Variants in CDV3 observed in about 807,000 individuals in gnomAD.
The protein encoded by CDV3 is CDV3 homolog.
CDV3 carries 14 observed loss-of-function variants against 24.5 expected under a neutral mutation model. The ratio of observed to expected loss-of-function variants is 0.57; its 90% CI spans 0.38 to 0.89. CDV3 has a LOEUF of 0.89. CDV3 is among the 40% of genes least tolerant of loss of function. The probability of loss-of-function intolerance (pLI) is 0.00; values close to 1 mark genes in which losing one functional copy is unlikely to be tolerated. For missense variants in CDV3, 304 were observed against 310.2 expected, an observed-to-expected ratio of 0.98 and a Z score of 0.15; for synonymous variants, 114 against 114.1, an observed-to-expected ratio of 1.00 and a Z score of 0.00.
chr3:133,580,288 A>G (rs560547264), intron 2 of CDV3, among the ~76,000 whole-genome samples: 1 of 152,366 alleles, frequency 6.6e-6, no homozygotes, highest in South Asian at 2.1e-4. Context: ...TGTCCCTGCA[A>G]AGGACATGAG....
At chr3:133,574,420 A>G (rs754561274) in intron 1 of CDV3, 136 bp downstream of exon 1, 93 of 978,928 alleles carry the variant, frequency 9.5e-5, no homozygotes, top group Non-Finnish European at 1.1e-4. Flanking sequence ...CACGTGACGC[A>G]GGCTCTCCAC....
chr3:133,586,329 C>G (rs953703871), intron 3 of CDV3, among the ~76,000 whole-genome samples: 7 of 152,134 alleles, frequency 4.6e-5, no homozygotes, highest in Non-Finnish European at 8.8e-5. Context: ...CTCCTGACCC[C>G]AGGTGATCCA....
intron 2 of CDV3, among the ~76,000 whole-genome samples, chr3:133,576,291 T>C (rs892479573): frequency 1.3e-5 from 2 of 152,220 alleles, no homozygotes; most frequent in Non-Finnish European, 1.5e-5. Context: ...TAGAAGTGAT[T>C]AGACTTGAGT....
intron 4 of CDV3, 135 bp from the exon 5 acceptor site, chr3:133,587,761 T>C: frequency 7.0e-7 from 1 of 1,435,446 alleles, no homozygotes. Flanking sequence ...TTGATAAGGA[T>C]TTTCTATATG....
rs1240407787 is a variant in CDV3 at position 133,588,613 on chromosome 3, A to G, written c.*567A>G. 7.0e-6 allele frequency: 4 copies of G among 568,286 alleles called. No homozygotes were observed. Among genetic ancestry groups the G allele is most frequent in the Non-Finnish European group, 1.3e-5 (4 of 318,734 alleles). 35.2% of individuals were successfully genotyped at this position (568,286 alleles called of 1,614,324 possible). A position where few individuals can be genotyped will look rare whatever the true frequency, so the allele number is the denominator to read the frequency against. On this transcript the variant is annotated 3_prime_UTR_variant, in exon 5 of 5. Coordinates refer to ENST00000264993, the MANE Select transcript of CDV3 (RefSeq NM_017548.5). ...ACCCTTAAGGAATACTCTCTGTAGT[A>G]GGCTGTTGTTATATTAGACTTCCTG...
At chr3:133,579,450 A>AT (rs1220334093) in intron 2 of CDV3, among the ~76,000 whole-genome samples, 1 of 152,178 alleles carries the variant, frequency 6.6e-6, no homozygotes, top group Non-Finnish European at 1.5e-5. Flanking sequence ...TGGAGAGTTG[A>AT]TACTTTCTGA....
rs1328924731 is a variant in CDV3 at position 133,586,552 on chromosome 3, T to A, written c.467-11T>A. On this transcript the variant is annotated splice_polypyrimidine_tract_variant and intron_variant, in intron 3 of 4. Transcript: ENST00000264993. ...TAAATAGTTTATCTAAAAATTGTTA[T>A]AAAATATTAGTTACAGAAACCCCAG... 1 of 1,465,146 alleles carries A rather than the reference T, an allele frequency of 6.8e-7. No homozygotes were observed. The highest frequency in any genetic ancestry group is 1.4e-5 in the African/African-American group (1 of 70,820). The allele number at this position is 1,465,146 out of a possible 1,614,324, so 90.8% of individuals were successfully genotyped here.
At chr3:133,587,567 G>A (rs1308172221) in intron 4 of CDV3, 2 of 1,103,910 alleles carry the variant, frequency 1.8e-6, no homozygotes, top group African/African-American at 3.2e-5. Flanking sequence ...AGAGAGAGAT[G>A]TATTATCTAT....
At chr3:133,581,651 AT>A (rs1318684090) in intron 2 of CDV3, among the ~76,000 whole-genome samples, 2 of 152,212 alleles carry the variant, frequency 1.3e-5, no homozygotes, top group African/African-American at 2.4e-5. Context: ...CAGAGCCTGG[AT>A]TTGAACCAGG....
chr3:133,575,007 C>G, intron 1 of CDV3, 32 bp from the exon 2 acceptor site: 2 of 1,359,500 alleles, frequency 1.5e-6, no homozygotes, highest in Non-Finnish European at 2.1e-6. Flanking sequence ...CTACAAATAG[C>G]TTTAATTGAT....
At position 133,588,271 on chromosome 3, in the gene CDV3, AGT is replaced by A. The variant is rs1933811695; in HGVS notation, c.*228_*229del. ...CATAAATGTGTGAACTAGTTTCAAC[AGT>A]GTTCTTTCATATTTACTCTGCAAAT... On this transcript the variant is annotated 3_prime_UTR_variant, in exon 5 of 5. Coordinates refer to ENST00000264993, the MANE Select transcript of CDV3 (RefSeq NM_017548.5). 6.5e-7 allele frequency: 1 copy of A among 1,541,354 alleles called. No individual in the cohort carries two copies.
chr3:133,574,871 C>T (rs1398738428), intron 1 of CDV3, 168 bp from the exon 2 acceptor site: 2 of 724,918 alleles, frequency 2.8e-6, no homozygotes, highest in Middle Eastern at 7.3e-4. Flanking sequence ...GCATGTTTGT[C>T]CTCCATTTAG....
intron 2 of CDV3, among the ~76,000 whole-genome samples, chr3:133,577,468 C>T (rs1265200508): frequency 6.6e-6 from 1 of 151,900 alleles, no homozygotes; most frequent in Non-Finnish European, 1.5e-5. Context: ...TCAAGCGATT[C>T]TCCTGCCTCA....
Position 133,588,619 on chromosome 3 carries a change from TTGTTA to T in CDV3, c.*575_*579del, listed in dbSNP as rs1385869793. On this transcript the variant is annotated 3_prime_UTR_variant, in exon 5 of 5. Transcript: ENST00000264993. The stretch of plus-strand genomic sequence containing the variant: ...AAGGAATACTCTCTGTAGTAGGCTG[TTGTTA>T]TATTAGACTTCCTGGAACACACTGC... 3.6e-6 allele frequency: 2 copies of T among 558,926 alleles called. No homozygotes were observed. The highest frequency in any genetic ancestry group is 5.8e-5 in the East Asian group (2 of 34,228). The allele number at this position is 558,926 out of a possible 1,614,324, so 34.6% of individuals were successfully genotyped here. A position where few individuals can be genotyped will look rare whatever the true frequency, so the allele number is the denominator to read the frequency against.
intron 2 of CDV3, among the ~76,000 whole-genome samples, chr3:133,575,338 C>T (rs1166767959): frequency 6.6e-6 from 1 of 152,232 alleles, no homozygotes; most frequent in Non-Finnish European, 1.5e-5. Context: ...GAGAGCTTGC[C>T]TACTTCCAGT....
chr3:133,579,301 T>C (rs1441955663), intron 2 of CDV3, among the ~76,000 whole-genome samples: 1 of 152,224 alleles, frequency 6.6e-6, no homozygotes, highest in Non-Finnish European at 1.5e-5. Flanking sequence ...GTGATGAATT[T>C]ACAGCAGTAT....
Position 133,586,697 on chromosome 3 carries a change from A to G in CDV3, c.601A>G (p.Thr201Ala), listed in dbSNP as rs999062789. 1.9e-6 allele frequency: 3 copies of G among 1,600,290 alleles called. No homozygotes were observed. Among genetic ancestry groups the G allele is most frequent in the South Asian group, 1.1e-5 (1 of 90,708 alleles). ...TACACAGTTCCCATCCCTGCAGTCA[A>G]CTGCCAAGCATGTAGAAAGCCGGAA... ...SDTQFPSLQS[T>A]AKHVESRKDK... Residue 201 changes from threonine (T) to alanine (A), a missense_variant, in exon 4 of 5, where the codon ACT becomes GCT. Around this residue, in one of 3 missense-constraint regions of CDV3, gnomAD observed 29 missense variants for 55.8 expected, o/e 0.52. Coordinates refer to ENST00000264993, the MANE Select transcript of CDV3 (RefSeq NM_017548.5).
At position 133,590,143 on chromosome 3, in the gene CDV3, T is replaced by C. The variant is rs1391308639; in HGVS notation, c.*2097T>C. 1.3e-5 allele frequency: 2 copies of C among 152,232 alleles called. No individual in the cohort carries two copies. The highest frequency in any genetic ancestry group is 2.9e-5 in the Non-Finnish European group (2 of 68,038). The allele number at this position is 152,232 out of a possible 1,614,324, so 9.4% of individuals were successfully genotyped here. A position where few individuals can be genotyped will look rare whatever the true frequency, so the allele number is the denominator to read the frequency against. ...AATATAAATGAATCAAGTTTTAATA[T>C]ACTGTATGATGGGTGGATGAGGCTG... On this transcript the variant is annotated 3_prime_UTR_variant, in exon 5 of 5. Coordinates refer to ENST00000264993, the MANE Select transcript of CDV3 (RefSeq NM_017548.5).
At chr3:133,579,884 C>T (rs1041678673) in intron 2 of CDV3, among the ~76,000 whole-genome samples, 2 of 152,124 alleles carry the variant, frequency 1.3e-5, no homozygotes, top group African/African-American at 2.4e-5. Context: ...TGAGCCACTG[C>T]GCCCGGCTGA....
Sources: allele counts gnomAD v4.1 joint callset (sites outside exome capture counted in the v4.1 genomes callset), GRCh38; gene constraint gnomAD v4.1.1; regional missense constraint gnomAD v4.1.1; transcripts MANE v1.5; gene names NCBI Gene and HGNC (gene_info 2026-07-23, HGNC 2026-07-21).